RNF128: variants seen among roughly 807,000 people sequenced by gnomAD.
RNF128 encodes ring finger protein 128.
RNF128 carries 13 observed loss-of-function variants against 26.2 expected under a neutral mutation model. The observed-to-expected ratio is 0.50, with a 90% CI of 0.32 to 0.79. The LOEUF (loss-of-function observed/expected upper bound fraction) is 0.79, where lower values mean the gene tolerates loss of function less well. RNF128 is among the 30% of genes least tolerant of loss of function. The probability of loss-of-function intolerance (pLI) is 0.03; values close to 1 mark genes in which losing one functional copy is unlikely to be tolerated. For missense variants in RNF128, 315 were observed against 349.7 expected (o/e 0.90, Z 0.79); for synonymous variants, 149 against 142.5 (o/e 1.05, Z -0.32).
chrX:106,737,769 T>C (rs1929625612), intron 1 of RNF128, among the ~76,000 whole-genome samples: 1 of 111,685 alleles, frequency 9.0e-6, no homozygotes, highest in African/African-American at 3.3e-5. Context: ...CCATGGGCAA[T>C]CTATATTGAA....
intron 1 of RNF128, among the ~76,000 whole-genome samples, chrX:106,757,886 C>T (rs766218301): frequency 1.8e-5 from 2 of 111,456 alleles, no homozygotes; most frequent in Non-Finnish European, 3.8e-5. Context: ...TGGAACAGGA[C>T]AGATATATCC....
chrX:106,764,118 A>T, intron 1 of RNF128, among the ~76,000 whole-genome samples: 1 of 108,818 alleles, frequency 9.2e-6, no homozygotes, highest in East Asian at 3.0e-4. Context: ...GCCCGCCACC[A>T]CGCCCGACTA....
At chrX:106,777,980 C>A (rs1930498853) in intron 2 of RNF128, among the ~76,000 whole-genome samples, 2 of 111,618 alleles carry the variant, frequency 1.8e-5, no homozygotes, top group African/African-American at 3.3e-5. Context: ...AATATATATT[C>A]TTTTCTTCCT....
At chrX:106,695,668 T>C (rs1928864008) in intron 1 of RNF128, among the ~76,000 whole-genome samples, 3 of 111,910 alleles carry the variant, frequency 2.7e-5, no homozygotes. Context: ...CCTGTGTTTT[T>C]ACGAGTGACT....
intron 1 of RNF128, among the ~76,000 whole-genome samples, chrX:106,701,385 A>G (rs1928953061): frequency 9.0e-6 from 1 of 111,245 alleles, no homozygotes; most frequent in Non-Finnish European, 1.9e-5. Flanking sequence ...AGATTTTTTA[A>G]TTTTGTTATT....
intron 1 of RNF128, among the ~76,000 whole-genome samples, chrX:106,766,415 T>C (rs919647023): frequency 4.5e-5 from 5 of 112,330 alleles, no homozygotes; most frequent in African/African-American, 1.6e-4. Context: ...TTCTAAGTCG[T>C]GTGAGATGGT....
chrX:106,765,644 C>A (rs1240838464), intron 1 of RNF128, among the ~76,000 whole-genome samples: 1 of 111,790 alleles, frequency 8.9e-6, no homozygotes, highest in Non-Finnish European at 1.9e-5. Flanking sequence ...GTCTACATTT[C>A]AGACATTCAG....
chrX:106,742,106 A>G (rs1364044732), intron 1 of RNF128, among the ~76,000 whole-genome samples: 6 of 111,903 alleles, frequency 5.4e-5, no homozygotes, highest in Admixed American at 4.8e-4. Flanking sequence ...GGGGTTGTTA[A>G]TGGTGATTTA....
intron 1 of RNF128, among the ~76,000 whole-genome samples, chrX:106,770,478 C>CTCA (rs1930350590): frequency 9.0e-6 from 1 of 111,141 alleles, no homozygotes; most frequent in African/African-American, 3.3e-5. Flanking sequence ...AACTTCTCTT[C>CTCA]TTGCTTCATT....
chrX:106,751,905 G>A (rs1270505957), intron 1 of RNF128, among the ~76,000 whole-genome samples: 1 of 108,107 alleles, frequency 9.3e-6, no homozygotes, highest in Non-Finnish European at 1.9e-5. Flanking sequence ...CTTGGGCAAG[G>A]CTTCAGGTGT....
At chrX:106,771,878 A>G (rs1930378895) in intron 1 of RNF128, among the ~76,000 whole-genome samples, 2 of 112,578 alleles carry the variant, frequency 1.8e-5, no homozygotes, top group South Asian at 3.7e-4. Context: ...AACCTCCTCT[A>G]AAAGTCCTTT....
In RNF128 at chrX:106,796,746, CT is replaced by C. The variant is rs1930925955; in HGVS notation, c.*1035del. 9.0e-6 allele frequency: 1 copy of C among 111,218 alleles called. No individual in the cohort carries two copies. 9.2% of individuals were successfully genotyped at this position (111,218 alleles called of 1,213,427 possible). On this transcript the variant is annotated 3_prime_UTR_variant, in exon 7 of 7. Coordinates refer to ENST00000255499, the MANE Select transcript of RNF128 (RefSeq NM_194463.2). ...AGGTGCCTTAATATAAAGTTTGAAG[CT>C]TCATCCACCAAAGTTAAATAGAGCT...
intron 1 of RNF128, among the ~76,000 whole-genome samples, chrX:106,706,869 A>G (rs767051390): frequency 1.2e-4 from 13 of 111,872 alleles, no homozygotes; most frequent in South Asian, 7.5e-4. Context: ...TAGTAGCAAG[A>G]TGATGCTCAT....
At chrX:106,786,772 C>G (rs1930664794) in intron 3 of RNF128, among the ~76,000 whole-genome samples, 2 of 110,351 alleles carry the variant, frequency 1.8e-5, no homozygotes, top group Admixed American at 9.7e-5. Flanking sequence ...TACAAACAAC[C>G]TAATAGAAAA....
At chrX:106,776,229 G>A (rs1411117820) in intron 2 of RNF128, among the ~76,000 whole-genome samples, 2 of 111,665 alleles carry the variant, frequency 1.8e-5, no homozygotes, top group Admixed American at 9.5e-5. Context: ...AAACATTTTC[G>A]GGTACCGTAA....
intron 1 of RNF128, among the ~76,000 whole-genome samples, chrX:106,765,365 G>T (rs1008530647): frequency 8.9e-6 from 1 of 111,966 alleles, no homozygotes; most frequent in African/African-American, 3.2e-5. Flanking sequence ...TTAAGGGATT[G>T]CTTGATTAAC....
intron 2 of RNF128, among the ~76,000 whole-genome samples, chrX:106,776,152 A>G (rs1357410811): frequency 3.6e-5 from 4 of 112,598 alleles, no homozygotes; most frequent in Non-Finnish European, 5.6e-5. Context: ...GGGAAACCTT[A>G]TGGCATACAC....
intron 6 of RNF128, among the ~76,000 whole-genome samples, chrX:106,792,853 A>C (rs370492938): frequency 8.0e-5 from 9 of 111,897 alleles, no homozygotes; most frequent in African/African-American, 2.9e-4. Flanking sequence ...TCCAGCACCC[A>C]GCACATAGTA....
At chrX:106,766,470 A>G (rs1052987310) in intron 1 of RNF128, among the ~76,000 whole-genome samples, 12 of 112,283 alleles carry the variant, frequency 1.1e-4, no homozygotes, top group African/African-American at 3.6e-4. Flanking sequence ...GTCAGTGATG[A>G]TGAACATTTT....
Sources: gnomAD v4.1 joint callset for allele counts (sites outside exome capture counted in the v4.1 genomes callset) on GRCh38, gnomAD v4.1.1 for gene constraint, MANE v1.5 for transcripts, NCBI Gene and HGNC (gene_info 2026-07-23, HGNC 2026-07-21) for gene names.